TMEM161B: variants seen among roughly 807,000 people sequenced by gnomAD.
TMEM161B encodes the protein transmembrane protein 161B.
A neutral mutation model predicts 61.8 loss-of-function variants in TMEM161B; 34 were observed. The observed-to-expected ratio is 0.55, with a 90% confidence interval of 0.42 to 0.73. TMEM161B has a LOEUF of 0.73. TMEM161B is among the 30% of genes least tolerant of loss of function. The pLI is 0.00. For missense variants in TMEM161B, 456 were observed against 558.5 expected (o/e 0.82, Z 1.85); for synonymous variants, 167 against 192.8 (o/e 0.87, Z 1.11).
In TMEM161B at chr5:88,189,945, C is replaced by A; in HGVS notation, c.*107G>T. 4.7e-6 allele frequency: 3 copies of A among 640,112 alleles called. No individual in the cohort carries two copies. The South Asian group carries it at 5.4e-5, about 11-fold the overall frequency. The allele number at this position is 640,112 out of a possible 1,614,324, so 39.7% of individuals were successfully genotyped here. A position where few individuals can be genotyped will look rare whatever the true frequency, so the allele number is the denominator to read the frequency against. ...AGGCCAGTAGGCAGCATGCAGTTTCCATGTGATCCCCAGTACCTTTGCCGT... is the reference window on the plus strand; with the variant it reads ...AGGCCAGTAGGCAGCATGCAGTTTCAATGTGATCCCCAGTACCTTTGCCGT... On this transcript the variant is annotated 3_prime_UTR_variant, in exon 13 of 13. Transcript: ENST00000514135.
Position 88,206,447 on chromosome 5 carries a change from T to C in TMEM161B, c.651A>G (p.Leu217=), listed in dbSNP as rs1284862796. The C allele has an allele frequency of 1.9e-6, 3 of 1,600,660 alleles. No individual in the cohort carries two copies. Among genetic ancestry groups the C allele is most frequent in the African/African-American group, 2.7e-5 (2 of 74,202 alleles). ...ATTTTTCAAAAACTTACTGAGATTC[T>C]AAACCTTGCTTTTCAAGAAACTGCA... is the stretch of plus-strand genomic sequence containing the variant. ...SAMQFLEKQG[L]ESQSPVSKLT... is the part of the protein sequence containing the mutation. Residue 217 remains leucine, a synonymous_variant, in exon 7 of 12, where the codon TTA becomes TTG. Coordinates refer to ENST00000296595, the MANE Select transcript of TMEM161B (RefSeq NM_153354.5).
At chr5:88,206,047 ATAACAG>A (rs1745404650) in intron 7 of TMEM161B, 93 bp from the exon 8 acceptor site, 6 of 1,056,318 alleles carry the variant, frequency 5.7e-6, no homozygotes, top group African/African-American at 1.6e-5. Context: ...ACAAATAACA[ATAACAG>A]TAAAACAAAG....
chr5:88,198,784 G>A (rs1750145307), intron 10 of TMEM161B, 192 bp downstream of exon 10: 1 of 553,678 alleles, frequency 1.8e-6, no homozygotes, highest in Non-Finnish European at 3.1e-6. Context: ...GGCAGGAAGA[G>A]GAATTAAGAC....
intron 1 of TMEM161B, among the ~76,000 whole-genome samples, chr5:88,256,605 C>T (rs1469580240): frequency 1.3e-5 from 2 of 152,154 alleles, no homozygotes; most frequent in African/African-American, 2.4e-5. Flanking sequence ...AGAACATATG[C>T]GTAACTCCAA....
intron 5 of TMEM161B, among the ~76,000 whole-genome samples, chr5:88,217,425 A>T (rs184579080): frequency 6.6e-6 from 1 of 152,262 alleles, no homozygotes; most frequent in Admixed American, 6.5e-5. Flanking sequence ...AGAATGAGGA[A>T]CCTCAATTGG....
At chr5:88,249,533 A>C (rs1216716844) in intron 1 of TMEM161B, among the ~76,000 whole-genome samples, 1 of 152,126 alleles carries the variant, frequency 6.6e-6, no homozygotes, top group East Asian at 1.9e-4. Context: ...ACTCAACCCA[A>C]AAACTTTTTT....
chr5:88,192,684 AC>A (rs1483164362), downstream of TMEM161B, among the ~76,000 whole-genome samples: 2 of 152,172 alleles, frequency 1.3e-5, no homozygotes, highest in African/African-American at 4.8e-5. Flanking sequence ...TCCTTAAGAC[AC>A]CTAAATCTTT....
At chr5:88,255,305 G>A (rs1161927025) in intron 1 of TMEM161B, among the ~76,000 whole-genome samples, 1 of 152,164 alleles carries the variant, frequency 6.6e-6, no homozygotes, top group African/African-American at 2.4e-5. Flanking sequence ...TTCCCATAGA[G>A]CATCTCTGGT....
At chr5:88,218,604 G>A (rs2112509623) in intron 5 of TMEM161B, among the ~76,000 whole-genome samples, 1 of 152,254 alleles carries the variant, frequency 6.6e-6, no homozygotes, top group Admixed American at 6.5e-5. Context: ...GCAAGCTGGG[G>A]AGACCCTGTC....
At chr5:88,231,229 A>T (rs1198122982) in intron 2 of TMEM161B, among the ~76,000 whole-genome samples, 8 of 152,200 alleles carry the variant, frequency 5.3e-5, no homozygotes, top group African/African-American at 1.9e-4. Flanking sequence ...TCATTCTAGC[A>T]GATTACTGGA....
At chr5:88,266,006 A>G (rs1756328135) in intron 1 of TMEM161B, among the ~76,000 whole-genome samples, 1 of 152,272 alleles carries the variant, frequency 6.6e-6, no homozygotes, top group African/African-American at 2.4e-5. Context: ...AGGAAAGTGC[A>G]ATAGAGCAAA....
downstream of TMEM161B, among the ~76,000 whole-genome samples, chr5:88,191,357 A>C (rs1404069651): frequency 3.9e-5 from 6 of 152,206 alleles, no homozygotes. Flanking sequence ...TCTTCATCTT[A>C]ATTTATTGTC....
chr5:88,237,278 C>CA (rs762026060), intron 2 of TMEM161B, among the ~76,000 whole-genome samples: 3 of 152,082 alleles, frequency 2.0e-5, no homozygotes, highest in Non-Finnish European at 2.9e-5. Flanking sequence ...GTAATGTGGG[C>CA]AAAAATGATG....
At chr5:88,229,048 CT>C in intron 2 of TMEM161B, among the ~76,000 whole-genome samples, 1 of 152,284 alleles carries the variant, frequency 6.6e-6, no homozygotes, top group East Asian at 1.9e-4. Context: ...TTAAAAAACA[CT>C]TCACTTTTAG....
downstream of TMEM161B, among the ~76,000 whole-genome samples, chr5:88,187,731 A>G (rs918195475): frequency 1.3e-5 from 2 of 151,400 alleles, no homozygotes; most frequent in Non-Finnish European, 2.9e-5. Context: ...TGATAAGAAT[A>G]TAATCAACTT....
intron 4 of TMEM161B, among the ~76,000 whole-genome samples, chr5:88,223,240 GA>G (rs890504204): frequency 1.7e-4 from 22 of 131,490 alleles, no homozygotes; most frequent in Admixed American, 3.0e-4. Flanking sequence ...AATGAGTTAA[GA>G]AAAAAAAAAA....
chr5:88,225,189 G>C (rs886946434), intron 4 of TMEM161B, among the ~76,000 whole-genome samples: 2 of 151,858 alleles, frequency 1.3e-5, no homozygotes, highest in African/African-American at 2.4e-5. Context: ...GGATGGTCTC[G>C]ATCTCCTGAC....
downstream of TMEM161B, among the ~76,000 whole-genome samples, chr5:88,186,903 AAAC>A (rs34811188): frequency 0.02 from 2,949 of 150,882 alleles, 77 homozygotes; most frequent in African/African-American, 0.066. Context: ...ACTCTGTCTC[AAAC>A]AACAACAACA....
intron 4 of TMEM161B, among the ~76,000 whole-genome samples, chr5:88,224,457 T>C (rs1749617432): frequency 6.6e-6 from 1 of 152,204 alleles, no homozygotes; most frequent in African/African-American, 2.4e-5. Context: ...AGAATCATTG[T>C]CATTATATAA....
Sources: allele counts gnomAD v4.1 joint callset (sites outside exome capture counted in the v4.1 genomes callset), GRCh38; gene constraint gnomAD v4.1.1; transcripts MANE v1.5; gene names NCBI Gene and HGNC (gene_info 2026-07-23, HGNC 2026-07-21).